Variants in COL6A2 observed in about 807,000 individuals in gnomAD.
The protein encoded by COL6A2 is collagen type VI alpha 2 chain, also known as collagen alpha-2(VI) chain.
COL6A2 carries 90 observed loss-of-function variants against 124.9 expected under a neutral mutation model. The observed-to-expected ratio is 0.72, with a 90% CI of 0.61 to 0.86. COL6A2 has a LOEUF of 0.86. Among genes scored for constraint, COL6A2 ranks in the 40% least tolerant of loss-of-function variants. The pLI is 0.00. For missense variants in COL6A2, 1,607 were observed against 1,502.5 expected, an observed-to-expected ratio of 1.07 and a Z score of -1.15; for synonymous variants, 793 against 618.2, an observed-to-expected ratio of 1.28 and a Z score of -4.19.
At chr21:46,102,807 T>G (rs1331873815) in intron 1 of COL6A2, among the ~76,000 whole-genome samples, 1 of 152,036 alleles carries the variant, frequency 6.6e-6, no homozygotes, top group South Asian at 2.1e-4. Context: ...TTATACCAAA[T>G]TTAGTTTACT....
At chr21:46,124,800 C>A in intron 22 of COL6A2, 85 bp from the exon 23 acceptor site, 1 of 1,597,598 alleles carries the variant, frequency 6.3e-7, no homozygotes, top group Non-Finnish European at 8.6e-7. Flanking sequence ...CACGGTGGAC[C>A]CACGTATCAG....
At position 46,126,117 on chromosome 21, in the gene COL6A2, G is replaced by T; in HGVS notation, c.2302G>T (p.Glu768Ter). 1.2e-6 allele frequency: 2 copies of T among 1,612,490 alleles called. No individual in the cohort carries two copies. Among genetic ancestry groups the T allele is most frequent in the Non-Finnish European group, 1.7e-6 (2 of 1,180,022 alleles). ...CGGGGACATGTTCCACGAGAAGCAC[G>T]AGAGTGAAAACCTCTACTCCATCGC... ...GIGDMFHEKH[E>*]SENLYSIACD... Residue 768 changes from glutamate to a stop codon, truncating the protein, a stop_gained, in exon 26 of 28, where the codon GAG becomes TAG. Coordinates refer to ENST00000300527, the MANE Select transcript of COL6A2 (RefSeq NM_001849.4). LOFTEE classifies it high-confidence loss of function.
At chr21:46,126,302 G>A in intron 26 of COL6A2, 65 bp downstream of exon 26, 1 of 1,570,890 alleles carries the variant, frequency 6.4e-7, no homozygotes, top group Non-Finnish European at 8.7e-7. Context: ...TCTAGCGTGA[G>A]CCCCAGGGAC....
intron 1 of COL6A2, among the ~76,000 whole-genome samples, chr21:46,101,887 G>A (rs1601202290): frequency 1.9e-5 from 2 of 105,122 alleles, no homozygotes; most frequent in East Asian, 2.5e-4. Context: ...GCTATTCGAG[G>A]TCCCTTGAGA....
chr21:46,128,943 G>A (rs772496397), intron 27 of COL6A2: 3 of 1,611,450 alleles, frequency 1.9e-6, no homozygotes, highest in Non-Finnish European at 2.5e-6. Context: ...TTTTCTCGGG[G>A]TCCGTGGTGT....
At chr21:46,131,443 A>C (rs530580502) in intron 27 of COL6A2, among the ~76,000 whole-genome samples, 13 of 152,292 alleles carry the variant, frequency 8.5e-5, no homozygotes, top group Non-Finnish European at 1.6e-4. Flanking sequence ...GCCAATCAGA[A>C]GAGTCAGGGG....
chr21:46,112,597 A>G lies in COL6A2; in HGVS notation c.714+20A>G, dbSNP rs745658515. ...GTCATGGTGAGCCGCGGGCGGGAGCACCGTCCACGCGCCAGGGGTGGCCAC... is the reference window on the plus strand; with the variant it reads ...GTCATGGTGAGCCGCGGGCGGGAGCGCCGTCCACGCGCCAGGGGTGGCCAC... On this transcript the variant is annotated intron_variant, in intron 3 of 27. Transcript: ENST00000300527. 1 of 1,610,614 alleles carries G rather than the reference A, an allele frequency of 6.2e-7. No homozygotes were observed. The highest frequency in any genetic ancestry group is 1.1e-5 in the South Asian group (1 of 91,034).
intron 25 of COL6A2, 61 bp from the exon 26 acceptor site, chr21:46,125,724 T>C (rs1002741060): frequency 2.0e-5 from 32 of 1,601,168 alleles, no homozygotes; most frequent in Non-Finnish European, 2.6e-5. Context: ...GGCCTCTGCA[T>C]GGCTGGGGAT....
At chr21:46,124,547 C>G (rs978929611) in intron 21 of COL6A2, 104 bp from the exon 22 acceptor site, 89 of 1,025,304 alleles carry the variant, frequency 8.7e-5, no homozygotes, top group Admixed American at 4.3e-4. Context: ...GCCCCCCCCC[C>G]CGCCAAGGGA....
At position 46,118,777 on chromosome 21, in the gene COL6A2, G is replaced by T. The variant is rs9917540; in HGVS notation, c.1179+101G>T. 0.24 allele frequency: 325,295 copies of T among 1,382,610 alleles called. 41,647 individuals carry two copies. Among genetic ancestry groups the T allele is most frequent in the East Asian group, 0.42 (17,127 of 40,644 alleles). 85.6% of individuals were successfully genotyped at this position (1,382,610 alleles called of 1,614,324 possible). Reference sequence around the variant, plus strand: ...GGCCACCATCTCTGCTGTCACCATGGTGCCGCATTGGGCTCTGGGGACACG... The same window carrying T: ...GGCCACCATCTCTGCTGTCACCATGTTGCCGCATTGGGCTCTGGGGACACG... On this transcript the variant is annotated intron_variant, in intron 13 of 27. Coordinates refer to ENST00000300527, the MANE Select transcript of COL6A2 (RefSeq NM_001849.4).
At position 46,124,636 on chromosome 21, in the gene COL6A2, C is replaced by G. The variant is rs1043564413; in HGVS notation, c.1672-15C>G. 30 of 1,612,618 alleles carry G rather than the reference C, an allele frequency of 1.9e-5. No individual in the cohort carries two copies. Among genetic ancestry groups the G allele is most frequent in the Non-Finnish European group, 2.2e-5 (26 of 1,179,788 alleles). ...CTGGGGCCACTGAAGCCCACCTGTT[C>G]TTGTTCCTTCTCAGGCGGATCCTGG... is the stretch of plus-strand genomic sequence containing the variant. On this transcript the variant is annotated splice_polypyrimidine_tract_variant and intron_variant, in intron 21 of 27. Coordinates refer to ENST00000300527, the MANE Select transcript of COL6A2 (RefSeq NM_001849.4).
At chr21:46,123,572 G>A (rs987189596) in intron 21 of COL6A2, among the ~76,000 whole-genome samples, 2 of 152,004 alleles carry the variant, frequency 1.3e-5, no homozygotes, top group Admixed American at 1.3e-4. Context: ...ATGGATGGAT[G>A]AGTGAATAGA....
chr21:46,116,903 G>C lies in COL6A2; in HGVS notation c.999+89G>C. The C allele has an allele frequency of 2.3e-6, 3 of 1,285,698 alleles. No homozygotes were observed. Among genetic ancestry groups the C allele is most frequent in the East Asian group, 2.4e-5 (1 of 42,314 alleles). 79.6% of individuals were successfully genotyped at this position (1,285,698 alleles called of 1,614,324 possible). A position where few individuals can be genotyped will look rare whatever the true frequency, so the allele number is the denominator to read the frequency against. On this transcript the variant is annotated intron_variant, in intron 10 of 27. Transcript: ENST00000300527. The surrounding 1 kb of genome is among the most constrained non-coding windows in gnomAD (Gnocchi z 4.6). ...CCCCCAGATCCAGCCTGATCTGTCA[G>C]CTTACACATGTGTACACACGCATAC...
In COL6A2 at chr21:46,132,799, G is replaced by A; in HGVS notation, c.*247G>A. The A allele has an allele frequency of 1.7e-6, 1 of 578,586 alleles. No individual in the cohort carries two copies. Among genetic ancestry groups the A allele is most frequent in the Non-Finnish European group, 3.1e-6 (1 of 322,910 alleles). The allele number at this position is 578,586 out of a possible 1,614,324, so 35.8% of individuals were successfully genotyped here. The stretch of plus-strand genomic sequence containing the variant: ...CCATCCCAAGGCTCCTGACCTACCT[G>A]GCCCCTGAGCTCTGGAGCAAGCCCT... On this transcript the variant is annotated 3_prime_UTR_variant, in exon 28 of 28. Transcript: ENST00000300527.
At position 46,132,366 on chromosome 21, in the gene COL6A2, CGA is replaced by C; in HGVS notation, c.2876_2877del (p.Glu959ValfsTer33). 1 of 1,609,046 alleles carries C rather than the reference CGA, an allele frequency of 6.2e-7. No homozygotes were observed. The highest frequency in any genetic ancestry group is 8.5e-7 in the Non-Finnish European group (1 of 1,179,540). On this transcript the variant is annotated frameshift_variant, in exon 28 of 28. Transcript: ENST00000300527. LOFTEE classifies it high-confidence loss of function. ...DGVTGNDSLH[E>X]SAHSMRKQNV... ...GCGTCACGGGCAACGACAGTCTGCA[CGA>C]GTCGGCGCACTCCATGCGCAAGCAG...
rs975122039 is a variant in COL6A2, at chr21:46,111,524, G to A, written c.48G>A (p.Gly16=). The change falls in exon 2 of 28, where the codon GGG becomes GGA. Residue 16 remains glycine, a synonymous_variant. Transcript: ENST00000300527. ...CSVLLLWGIL[G]AIQAQQQEVI... ...TGCTCCTGCTCTGGGGAATCCTGGG[G>A]GCCATCCAGGCCCAGCAGCAGGAGG... 3.1e-6 allele frequency: 5 copies of A among 1,612,882 alleles called. No individual in the cohort carries two copies. In the African/African-American group the frequency reaches 5.3e-5, roughly 17 times the overall value.
Position 46,115,893 on chromosome 21 carries a change from G to C in COL6A2, c.823G>C (p.Glu275Gln). 6.2e-7 allele frequency: 1 copy of C among 1,612,908 alleles called. No individual in the cohort carries two copies. ...GQKGAKGNMG[E>Q]PGEPGQKGRQ... ...TTAGGGTGCCAAGGGCAACATGGGT[G>C]AGCCGGGAGAGCCTGGCCAGAAGGG... The change falls in exon 6 of 28, where the codon GAG (glutamate) becomes CAG (glutamine). Residue 275 changes from glutamate (E) to glutamine (Q), a missense_variant. Physicochemically the swap from Glu to Gln is conservative, Grantham distance 29. Coordinates refer to ENST00000300527, the MANE Select transcript of COL6A2 (RefSeq NM_001849.4).
chr21:46,108,711 C>T (rs1255101326), intron 1 of COL6A2, among the ~76,000 whole-genome samples: 1 of 152,104 alleles, frequency 6.6e-6, no homozygotes, highest in Non-Finnish European at 1.5e-5. Flanking sequence ...CAACACTGTA[C>T]TTTAACTTCA....
At chr21:46,130,825 T>C (rs750139875) in intron 27 of COL6A2, among the ~76,000 whole-genome samples, 1 of 152,206 alleles carries the variant, frequency 6.6e-6, no homozygotes, top group East Asian at 1.9e-4. Flanking sequence ...GAGGCTGCCC[T>C]TCCTTTCACT....
Sources: allele counts gnomAD v4.1 joint callset (sites outside exome capture counted in the v4.1 genomes callset), GRCh38; gene constraint gnomAD v4.1.1; non-coding constraint Gnocchi (gnomAD v3.1); transcripts MANE v1.5; gene names NCBI Gene and HGNC (gene_info 2026-07-23, HGNC 2026-07-21).